The following PKD1L3 variants were observed in gnomAD, a reference collection of about 807,000 sequenced individuals.
The protein encoded by PKD1L3 is polycystin-1-like protein 3.
A neutral mutation model predicts 184.1 loss-of-function variants in PKD1L3; 239 were observed. The ratio of observed to expected loss-of-function variants is 1.30; its 90% confidence interval spans 1.17 to 1.45. PKD1L3 has a LOEUF of 1.45. Among genes scored for constraint, PKD1L3 ranks in the 40% most tolerant of loss-of-function variants. PKD1L3 has a pLI of 0.00. For synonymous variants in PKD1L3, 996 were observed against 778.8 expected, an observed-to-expected ratio of 1.28 and a Z score of -4.64; for missense variants, 2,660 against 2,067.2, an observed-to-expected ratio of 1.29 and a Z score of -5.56.
At chr16:71,988,054 T>C (rs879373246) in intron 4 of PKD1L3, among the ~76,000 whole-genome samples, 2 of 127,458 alleles carry the variant, frequency 1.6e-5, no homozygotes, top group Non-Finnish European at 3.2e-5. Context: ...ACAAAGGGCT[T>C]TGCAGAACAG....
intron 2 of PKD1L3, among the ~76,000 whole-genome samples, chr16:71,996,311 G>C (rs1254347231): frequency 1.5e-5 from 2 of 133,046 alleles, no homozygotes; most frequent in African/African-American, 5.6e-5. Context: ...CACCAGGCTA[G>C]AGTGCAGTGG....
chr16:71,949,874 C>T lies in PKD1L3; in HGVS notation c.3527G>A (p.Ser1176Asn). ...GGCTTGGTCTTTGCTCAATTCCAAGCTATAAAGTGCTGTAAAAAAGGCTGA... is the reference window on the plus strand; with the variant it reads ...GGCTTGGTCTTTGCTCAATTCCAAGTTATAAAGTGCTGTAAAAAAGGCTGA... Reference protein sequence around the residue: ...LASAFFTALYSLELSKDQATS... With the variant: ...LASAFFTALYNLELSKDQATS... Residue 1176 changes from serine (S) to asparagine (N), a missense_variant, in exon 21 of 30, where the codon AGC becomes AAC. Ser to Asn is a conservative substitution (Grantham distance 46). Coordinates refer to ENST00000620267, the MANE Select transcript of PKD1L3 (RefSeq NM_181536.2). 6.4e-7 allele frequency: 1 copy of T among 1,551,606 alleles called. No individual in the cohort carries two copies. The highest frequency in any genetic ancestry group is 8.7e-7 in the Non-Finnish European group (1 of 1,146,984).
At chr16:71,999,160 A>G (rs1014853092) in intron 1 of PKD1L3, among the ~76,000 whole-genome samples, 1 of 151,544 alleles carries the variant, frequency 6.6e-6, no homozygotes, top group African/African-American at 2.4e-5. Flanking sequence ...AGTCCCAGCT[A>G]CTCGGGAGGT....
intron 11 of PKD1L3, among the ~76,000 whole-genome samples, chr16:71,977,035 G>A (rs114028330): frequency 0.011 from 1,711 of 152,266 alleles, 27 homozygotes; most frequent in African/African-American, 0.039. Context: ...AAGCCACCGC[G>A]CCCGGCCCAC....
chr16:71,985,684 G>T (rs1012894776), intron 5 of PKD1L3, among the ~76,000 whole-genome samples: 23 of 152,078 alleles, frequency 1.5e-4, no homozygotes, highest in African/African-American at 4.8e-4. Flanking sequence ...CCTCCACCTC[G>T]GCCTCCCAAA....
chr16:71,986,041 G>A (rs1408228101), intron 5 of PKD1L3, among the ~76,000 whole-genome samples, 180 bp downstream of exon 5: 1 of 152,184 alleles, frequency 6.6e-6, no homozygotes, highest in African/African-American at 2.4e-5. Context: ...GAAACGTTGG[G>A]CTGTATATGT....
At chr16:71,944,224 A>T in intron 22 of PKD1L3, 54 bp from the exon 23 acceptor site, 1 of 1,469,476 alleles carries the variant, frequency 6.8e-7, no homozygotes, top group East Asian at 2.5e-5. Flanking sequence ...TTAAGCAGTC[A>T]CTCACCATTC....
chr16:71,975,202 C>T (rs2039873019), intron 11 of PKD1L3, among the ~76,000 whole-genome samples: 1 of 148,436 alleles, frequency 6.7e-6, no homozygotes, highest in Non-Finnish European at 1.5e-5. Flanking sequence ...ACTACAGGTG[C>T]ACGCCACCAC....
chr16:71,995,260 G>A (rs2040746870), intron 2 of PKD1L3, among the ~76,000 whole-genome samples: 2 of 138,342 alleles, frequency 1.4e-5, no homozygotes. Context: ...GAGCCCTGTA[G>A]GCCAACCCAC....
At chr16:71,966,985 T>G (rs1382649412) in intron 15 of PKD1L3, among the ~76,000 whole-genome samples, 152 bp downstream of exon 15, 2 of 152,220 alleles carry the variant, frequency 1.3e-5, no homozygotes, top group African/African-American at 4.8e-5. Context: ...TTTCCAGGGC[T>G]TATTCTGTGT....
rs75968254 is a variant in PKD1L3 at position 71,989,555 on chromosome 16, G to A, written c.585+725C>T. Reference sequence around the variant, plus strand: ...CATCAACTAAAGGGTTTCTACATAGGACACAAGGGCAAGAATGCTGAGAGA... The same window carrying A: ...CATCAACTAAAGGGTTTCTACATAGAACACAAGGGCAAGAATGCTGAGAGA... On this transcript the variant is annotated intron_variant, in intron 4 of 29. Transcript: ENST00000620267. 7.5e-3 allele frequency among the ~76,000 whole-genome samples: 1,142 copies of A among 152,326 alleles called. 18 individuals are homozygous for A. The highest frequency in any genetic ancestry group is 0.025 in the African/African-American group (1,056 of 41,562).
chr16:71,955,364 G>A (rs2039004217), intron 16 of PKD1L3, among the ~76,000 whole-genome samples: 1 of 152,024 alleles, frequency 6.6e-6, no homozygotes, highest in South Asian at 2.1e-4. Context: ...TGGGACCCAG[G>A]AGGCAGAGGT....
chr16:71,990,669 G>A (rs972647967), intron 3 of PKD1L3, among the ~76,000 whole-genome samples: 12 of 152,142 alleles, frequency 7.9e-5, no homozygotes, highest in African/African-American at 2.9e-4. Context: ...GGGAGGCAGA[G>A]GTTGCAGTGA....
Position 71,993,234 on chromosome 16 carries a change from T to C in PKD1L3, c.517A>G (p.Arg173Gly). ...KKTKRGVAIA[R>G]DKMPPGPGHL... ...GCATTACCTGGGGGCATTTTGTCTC[T>C]TGCTATTGCAACTCCTCTTTTTGTC... The change falls in exon 3 of 30, where the codon AGA (arginine) becomes GGA (glycine). Residue 173 changes from arginine to glycine, a missense_variant. Transcript: ENST00000620267. 6.5e-7 allele frequency: 1 copy of C among 1,548,760 alleles called. No individual in the cohort carries two copies. The highest frequency in any genetic ancestry group is 8.7e-7 in the Non-Finnish European group (1 of 1,145,492).
rs904184298 is a variant in PKD1L3, at chr16:71,929,979, C to A, written c.5058+73G>T. 1.6e-5 allele frequency: 23 copies of A among 1,425,874 alleles called. No homozygotes were observed. In the South Asian group the frequency reaches 2.9e-4, roughly 18 times the overall value. The allele number at this position is 1,425,874 out of a possible 1,614,324, so 88.3% of individuals were successfully genotyped here. On this transcript the variant is annotated intron_variant, in intron 29 of 29. Coordinates refer to ENST00000620267, the MANE Select transcript of PKD1L3 (RefSeq NM_181536.2). ...TGCATTATAAATTATGTCAGCCCGT[C>A]ATCTTAGGGGCAGTTACAGTGGAGC...
rs1597299750 is a variant in PKD1L3 at position 71,947,521 on chromosome 16, T to C, written c.3689A>G (p.Gln1230Arg). 2.0e-6 allele frequency: 3 copies of C among 1,536,496 alleles called. No homozygotes were observed. The highest frequency in any genetic ancestry group is 2.6e-6 in the Non-Finnish European group (3 of 1,134,934). ...RMPRLNKENE[Q>R]QTKRILALLA... is the part of the protein sequence containing the mutation. ...GAGTGCCAAGATCCTCTTTGTTTGTTGTTCATTCTCTTTGTTAAGCCGTGG... is the reference window on the plus strand; with the variant it reads ...GAGTGCCAAGATCCTCTTTGTTTGTCGTTCATTCTCTTTGTTAAGCCGTGG... Residue 1230 changes from glutamine to arginine, a missense_variant, in exon 22 of 30, where the codon CAA (glutamine) becomes CGA (arginine). Gln to Arg is a conservative substitution (Grantham distance 43). Coordinates refer to ENST00000620267, the MANE Select transcript of PKD1L3 (RefSeq NM_181536.2).
At chr16:71,935,202 T>C (rs2038131578) in intron 26 of PKD1L3, among the ~76,000 whole-genome samples, 156 bp downstream of exon 26, 1 of 152,246 alleles carries the variant, frequency 6.6e-6, no homozygotes, top group Non-Finnish European at 1.5e-5. Flanking sequence ...TCTAGTTCAC[T>C]GTCTTCTCTG....
At chr16:71,986,154 A>T (rs1311336385) in intron 5 of PKD1L3, 67 bp downstream of exon 5, 2 of 1,518,484 alleles carry the variant, frequency 1.3e-6, no homozygotes, top group African/African-American at 2.8e-5. Flanking sequence ...GCAGGGAGGC[A>T]AATGGGTGAA....
Position 71,998,311 on chromosome 16 carries a change from C to A in PKD1L3, c.379G>T (p.Asp127Tyr). The change falls in exon 2 of 30, where the codon GAC becomes TAC. Residue 127 changes from aspartate to tyrosine, a missense_variant. By Grantham distance (160) the Asp-to-Tyr change is radical. Coordinates refer to ENST00000620267, the MANE Select transcript of PKD1L3 (RefSeq NM_181536.2). ...AAATAGTATTTCAGTAAGCACTTGT[C>A]CCCTTTGGATGAGATCCGAATGAAG... Reference protein sequence around the residue: ...RNFIRISSKGDKCLLKYYFIC... With the variant: ...RNFIRISSKGYKCLLKYYFIC... The A allele has an allele frequency of 6.4e-7, 1 of 1,552,212 alleles. No individual in the cohort carries two copies. Among genetic ancestry groups the A allele is most frequent in the Non-Finnish European group, 8.7e-7 (1 of 1,147,092 alleles).
Sources: gnomAD v4.1 joint callset for allele counts (sites outside exome capture counted in the v4.1 genomes callset) on GRCh38, gnomAD v4.1.1 for gene constraint, MANE v1.5 for transcripts, NCBI Gene and HGNC (gene_info 2026-07-23, HGNC 2026-07-21) for gene names.